The following NTRK3 variants were observed in gnomAD, a reference collection of about 807,000 sequenced individuals.
NTRK3 encodes the protein neurotrophic receptor tyrosine kinase 3, also known as NT-3 growth factor receptor.
A neutral mutation model predicts 91.7 loss-of-function variants in NTRK3; 24 were observed. The ratio of observed to expected loss-of-function variants is 0.26; its 90% confidence interval spans 0.19 to 0.37. The LOEUF is 0.37. Among genes scored for constraint, NTRK3 ranks in the 10% least tolerant of loss-of-function variants. NTRK3 has a pLI of 1.00. For missense variants in NTRK3, 880 were observed against 1,068.9 expected (o/e 0.82, Z 2.46); for synonymous variants, 483 against 404.0 (o/e 1.20, Z -2.34).
intron 3 of NTRK3, among the ~76,000 whole-genome samples, chr15:88,211,180 C>A (rs1284777075): frequency 4.6e-5 from 7 of 152,218 alleles, no homozygotes; most frequent in Non-Finnish European, 1.0e-4. Context: ...CAGTCACACT[C>A]CCCTTTCTTC....
chr15:88,141,464 G>C (rs1327335895), intron 6 of NTRK3, among the ~76,000 whole-genome samples: 1 of 152,230 alleles, frequency 6.6e-6, no homozygotes, highest in South Asian at 2.1e-4. Context: ...GCTGCAAGGA[G>C]AGGCCTGGCC....
intron 13 of NTRK3, among the ~76,000 whole-genome samples, chr15:88,105,531 A>G (rs1224615668): frequency 2.6e-5 from 4 of 151,658 alleles, no homozygotes; most frequent in Non-Finnish European, 4.4e-5. Flanking sequence ...TCTCCCTACT[A>G]TTGGTGTAGT....
intron 17 of NTRK3, among the ~76,000 whole-genome samples, chr15:87,924,902 C>G (rs938955793): frequency 6.6e-5 from 10 of 152,188 alleles, no homozygotes; most frequent in Admixed American, 4.6e-4. Flanking sequence ...CCCATTCCCC[C>G]CTCATTCCAT....
At chr15:88,010,578 A>G (rs2076807955) in intron 14 of NTRK3, among the ~76,000 whole-genome samples, 1 of 152,202 alleles carries the variant, frequency 6.6e-6, no homozygotes, top group Admixed American at 6.5e-5. Flanking sequence ...TGGTGAAGAT[A>G]TTTATATATT....
chr15:87,932,834 GA>G (rs1462653256), intron 16 of NTRK3, among the ~76,000 whole-genome samples, 177 bp downstream of exon 16: 2 of 152,142 alleles, frequency 1.3e-5, no homozygotes, highest in African/African-American at 4.8e-5. Flanking sequence ...ACAAACCGGG[GA>G]CAAAGGCCTG....
rs1357121202 is a variant in NTRK3, at chr15:88,233,398, A to G, written c.248+22508T>C. Among the ~76,000 whole-genome samples the G allele has an allele frequency of 6.6e-6, 1 of 152,086 alleles. No homozygotes were observed. Among genetic ancestry groups the G allele is most frequent in the Non-Finnish European group, 1.5e-5 (1 of 68,008 alleles). ...CTTCCCTCCCTGTGAAGGCAAGGGA[A>G]TGGGCTGCTGCCATACAGCCTGCAG... On this transcript the variant is annotated intron_variant, in intron 3 of 18. Transcript: ENST00000394480. This position sits in a 1 kb window ranked among gnomAD's most constrained non-coding sequence, Gnocchi z 4.2.
intron 13 of NTRK3, among the ~76,000 whole-genome samples, chr15:88,105,732 C>T (rs577008129): frequency 1.3e-5 from 2 of 152,260 alleles, no homozygotes; most frequent in Admixed American, 1.3e-4. Flanking sequence ...AGAAGCACTG[C>T]CTTTCCCCCA....
intron 3 of NTRK3, among the ~76,000 whole-genome samples, chr15:88,221,448 CA>C (rs1284759105): frequency 2.6e-5 from 4 of 152,060 alleles, no homozygotes; most frequent in African/African-American, 9.7e-5. Flanking sequence ...TAGTGAATAC[CA>C]AGGGCAGAGC....
intron 7 of NTRK3, 145 bp from the exon 8 acceptor site, chr15:88,136,754 A>C: frequency 1.1e-6 from 1 of 949,438 alleles, no homozygotes; most frequent in Non-Finnish European, 1.6e-6. Flanking sequence ...AAGACCCGCA[A>C]ATCCAAGACG....
chr15:88,243,808 A>G lies in NTRK3; in HGVS notation c.248+12098T>C, dbSNP rs2052586976. Among the ~76,000 whole-genome samples the G allele has an allele frequency of 6.6e-6, 1 of 152,178 alleles. No homozygotes were observed. Among genetic ancestry groups the G allele is most frequent in the South Asian group, 2.1e-4 (1 of 4,830 alleles). On this transcript the variant is annotated intron_variant, in intron 3 of 18. Coordinates refer to ENST00000394480, the Ensembl canonical transcript of NTRK3. The surrounding 1 kb of genome is among the most constrained non-coding windows in gnomAD (Gnocchi z 4.8). Reference sequence around the variant, plus strand: ...TTTTAGGTGCCAGGATTGTTTCATCACAATCAACTTAGTCAGTTGCCCATG... The same window carrying G: ...TTTTAGGTGCCAGGATTGTTTCATCGCAATCAACTTAGTCAGTTGCCCATG...
exon 19 of NTRK3, chr15:87,873,303 C>T (rs9635402): frequency 0.67 from 153,922 of 229,646 alleles, 51,784 homozygotes; most frequent in East Asian, 0.71. Flanking sequence ...TTTTTCTTGT[C>T]TCTTGACTAG....
At chr15:88,140,041 A>G (rs1176311434) in intron 6 of NTRK3, among the ~76,000 whole-genome samples, 1 of 152,206 alleles carries the variant, frequency 6.6e-6, no homozygotes, top group Non-Finnish European at 1.5e-5. Context: ...TGTGTCAAGG[A>G]GTGCTGGGAA....
chr15:88,221,751 C>T lies in NTRK3; in HGVS notation c.248+34155G>A, dbSNP rs181328008. On this transcript the variant is annotated intron_variant, in intron 3 of 18. Transcript: ENST00000394480. Reference sequence around the variant, plus strand: ...AGCACTGAGGCCAGTCCCGTAGTGACGGGTGAATGGGGAGGTGGGAGGGGG... The same window carrying T: ...AGCACTGAGGCCAGTCCCGTAGTGATGGGTGAATGGGGAGGTGGGAGGGGG... 2.9e-3 allele frequency among the ~76,000 whole-genome samples: 443 copies of T among 152,210 alleles called. 10 individuals carry two copies. The highest frequency in any genetic ancestry group is 6.5e-4 in the Non-Finnish European group (44 of 68,020).
chr15:87,932,107 T>G (rs1339416786), intron 16 of NTRK3, among the ~76,000 whole-genome samples: 1 of 152,218 alleles, frequency 6.6e-6, no homozygotes, highest in Non-Finnish European at 1.5e-5. Flanking sequence ...ATAGATGCTG[T>G]CTTCTCTTGG....
At chr15:88,232,501 T>C (rs2051297294) in intron 3 of NTRK3, among the ~76,000 whole-genome samples, 1 of 152,260 alleles carries the variant, frequency 6.6e-6, no homozygotes, top group African/African-American at 2.4e-5. Context: ...TAACTTGGCT[T>C]GATTCAATAA....
At chr15:87,934,309 C>G (rs2069076107) in intron 15 of NTRK3, among the ~76,000 whole-genome samples, 1 of 152,166 alleles carries the variant, frequency 6.6e-6, no homozygotes, top group Non-Finnish European at 1.5e-5. Context: ...TTAGCAATCT[C>G]AATAGACACA....
chr15:87,902,393 T>C (rs2141661307), intron 17 of NTRK3, among the ~76,000 whole-genome samples: 1 of 152,364 alleles, frequency 6.6e-6, no homozygotes, highest in African/African-American at 2.4e-5. Flanking sequence ...TGTTCAACTG[T>C]GGCAGCATTT....
At chr15:87,994,706 C>T (rs2075559005) in intron 14 of NTRK3, among the ~76,000 whole-genome samples, 1 of 152,122 alleles carries the variant, frequency 6.6e-6, no homozygotes, top group African/African-American at 2.4e-5. Flanking sequence ...AAGGAAAGTA[C>T]ATAATTTGGC....
chr15:87,972,747 G>C (rs940148659), intron 14 of NTRK3, among the ~76,000 whole-genome samples: 2 of 152,136 alleles, frequency 1.3e-5, no homozygotes, highest in South Asian at 2.1e-4. Flanking sequence ...ATCTTGGTTT[G>C]AAAGTCCCAC....
Sources: gnomAD v4.1 joint callset for allele counts (sites outside exome capture counted in the v4.1 genomes callset) on GRCh38, gnomAD v4.1.1 for gene constraint, Gnocchi (gnomAD v3.1) non-coding constraint, MANE v1.5 for transcripts, NCBI Gene and HGNC (gene_info 2026-07-23, HGNC 2026-07-21) for gene names.